Variants in SUGP1 observed in about 807,000 individuals in gnomAD.
The protein encoded by SUGP1 is SURP and G-patch domain-containing protein 1.
Under a neutral mutation model 76.5 loss-of-function variants are expected in SUGP1, and 34 were observed. The observed-to-expected ratio is 0.44, with a 90% CI of 0.34 to 0.59. SUGP1 has a LOEUF of 0.59. Among genes scored for constraint, SUGP1 ranks in the 20% least tolerant of loss-of-function variants. The probability of loss-of-function intolerance (pLI) is 0.01; values close to 1 mark genes in which losing one functional copy is unlikely to be tolerated. For missense variants in SUGP1, 752 were observed against 851.7 expected, an observed-to-expected ratio of 0.88 and a Z score of 1.46; for synonymous variants, 326 against 326.2, an observed-to-expected ratio of 1.00 and a Z score of 0.01.
chr19:19,313,231 T>C (rs1407934017), intron 2 of SUGP1, among the ~76,000 whole-genome samples: 1 of 150,620 alleles, frequency 6.6e-6, no homozygotes, highest in Non-Finnish European at 1.5e-5. Context: ...CCGTCTCTAC[T>C]AAAAATACAA....
At chr19:19,294,198 A>G (rs2061207297) in intron 8 of SUGP1, among the ~76,000 whole-genome samples, 1 of 151,296 alleles carries the variant, frequency 6.6e-6, no homozygotes, top group Admixed American at 6.6e-5. Flanking sequence ...AAAGAAAAAA[A>G]AAAAGAATAA....
intron 8 of SUGP1, among the ~76,000 whole-genome samples, chr19:19,294,649 A>G (rs2061211335): frequency 6.6e-6 from 1 of 152,212 alleles, no homozygotes; most frequent in Non-Finnish European, 1.5e-5. Flanking sequence ...CACCAAAAGC[A>G]TAAACCACAG....
At chr19:19,281,769 T>A (rs1479848888) in intron 8 of SUGP1, among the ~76,000 whole-genome samples, 1 of 152,146 alleles carries the variant, frequency 6.6e-6, no homozygotes, top group Non-Finnish European at 1.5e-5. Flanking sequence ...GGGCACCATA[T>A]GACATGAGAT....
At chr19:19,310,432 A>G (rs768940651) in intron 2 of SUGP1, among the ~76,000 whole-genome samples, 9 of 152,160 alleles carry the variant, frequency 5.9e-5, no homozygotes, top group Non-Finnish European at 1.3e-4. Flanking sequence ...GTTCTGATAA[A>G]AGCAATACTC....
chr19:19,291,944 G>T (rs906133858), intron 8 of SUGP1, among the ~76,000 whole-genome samples: 7 of 140,788 alleles, frequency 5.0e-5, no homozygotes, highest in African/African-American at 1.8e-4. Context: ...AAAGGGCCAA[G>T]AATTAGATAG....
rs895793109 is a variant in SUGP1 at position 19,309,785 on chromosome 19, G to A, written c.310+312C>T. On this transcript the variant is annotated intron_variant, in intron 3 of 13. Coordinates refer to ENST00000247001, the MANE Select transcript of SUGP1 (RefSeq NM_172231.4). ...AAATTAGCCGGGCGTGGTGGCGGGCGTCTGTAGTCCCAGGTACTCAGGAGG... is the reference window on the plus strand; with the variant it reads ...AAATTAGCCGGGCGTGGTGGCGGGCATCTGTAGTCCCAGGTACTCAGGAGG... 7.9e-5 allele frequency among the ~76,000 whole-genome samples: 12 copies of A among 152,244 alleles called. No homozygotes were observed. In the Middle Eastern group the frequency reaches 0.01, roughly 129 times the overall value.
chr19:19,302,174 C>G, intron 7 of SUGP1, 91 bp downstream of exon 7: 2 of 1,547,370 alleles, frequency 1.3e-6, no homozygotes, highest in South Asian at 1.2e-5. Flanking sequence ...GGGACCCCAG[C>G]AGGTGGCTGG....
At chr19:19,287,601 A>G (rs1308341021) in intron 8 of SUGP1, among the ~76,000 whole-genome samples, 7 of 152,140 alleles carry the variant, frequency 4.6e-5, no homozygotes, top group African/African-American at 7.2e-5. Flanking sequence ...GAGCTAACAG[A>G]TACCACACTG....
chr19:19,281,235 T>A (rs1029128465), intron 8 of SUGP1: 6 of 152,200 alleles, frequency 3.9e-5, no homozygotes, highest in Non-Finnish European at 8.8e-5. Flanking sequence ...CCTGAGGACA[T>A]GGATCAGTGG....
chr19:19,287,910 T>C (rs2061153503), intron 8 of SUGP1, among the ~76,000 whole-genome samples: 1 of 152,214 alleles, frequency 6.6e-6, no homozygotes, highest in African/African-American at 2.4e-5. Context: ...ACAGAGTGCC[T>C]GTCTCTCCTT....
At chr19:19,307,756 C>T (rs892452333) in intron 3 of SUGP1, among the ~76,000 whole-genome samples, 52 of 151,762 alleles carry the variant, frequency 3.4e-4, no homozygotes, top group African/African-American at 1.2e-3. Context: ...TGGTTGCCTC[C>T]CAGGTTCGTG....
intron 6 of SUGP1, among the ~76,000 whole-genome samples, chr19:19,302,624 G>A (rs964034220): frequency 6.6e-6 from 1 of 151,926 alleles, no homozygotes; most frequent in Non-Finnish European, 1.5e-5. Context: ...CCTGGGACAT[G>A]AGCCAGGACA....
At chr19:19,307,531 A>T (rs907738346) in intron 3 of SUGP1, among the ~76,000 whole-genome samples, 4 of 152,336 alleles carry the variant, frequency 2.6e-5, no homozygotes, top group African/African-American at 9.6e-5. Flanking sequence ...ATAAAGGGTC[A>T]AACATCTGAA....
At chr19:19,300,046 G>A (rs983705348) in intron 7 of SUGP1, among the ~76,000 whole-genome samples, 2 of 151,936 alleles carry the variant, frequency 1.3e-5, no homozygotes, top group African/African-American at 4.8e-5. Context: ...CCAAAGTGCT[G>A]GGATTACAGG....
chr19:19,285,855 G>A lies in SUGP1; in HGVS notation c.1244-5564C>T, dbSNP rs8112004. On this transcript the variant is annotated intron_variant, in intron 8 of 13. Transcript: ENST00000247001. ...ACTGGGATTACAGGCATGAGCTACC[G>A]TACCCGGCCAAGCACCAGAACTTAA... Among the ~76,000 whole-genome samples, 368 of 152,232 alleles carry A rather than the reference G, an allele frequency of 2.4e-3. 1 individual carries two copies. The highest frequency in any genetic ancestry group is 3.9e-3 in the Non-Finnish European group (264 of 68,004).
At chr19:19,316,679 G>C in intron 1 of SUGP1, 86 bp from the exon 2 acceptor site, 1 of 1,424,646 alleles carries the variant, frequency 7.0e-7, no homozygotes, top group South Asian at 1.3e-5. Flanking sequence ...AGCAACTGAT[G>C]TTCAGATTAA....
chr19:19,276,839 G>A (rs531370770), intron 13 of SUGP1, 108 bp downstream of exon 13: 20 of 1,555,962 alleles, frequency 1.3e-5, no homozygotes, highest in Middle Eastern at 1.9e-4. Flanking sequence ...TAGGGGGCTC[G>A]CTGGTGAGAC....
At chr19:19,307,112 T>C (rs963656738) in intron 3 of SUGP1, among the ~76,000 whole-genome samples, 4 of 152,016 alleles carry the variant, frequency 2.6e-5, no homozygotes, top group Non-Finnish European at 4.4e-5. Context: ...GGTGCAATCA[T>C]GGTTCACTGC....
intron 7 of SUGP1, among the ~76,000 whole-genome samples, chr19:19,301,195 A>C (rs1279190900): frequency 6.6e-6 from 1 of 152,100 alleles, no homozygotes; most frequent in African/African-American, 2.4e-5. Flanking sequence ...CTCCAGTCCC[A>C]GGCAGATCCA....
Sources: gnomAD v4.1 joint callset for allele counts (sites outside exome capture counted in the v4.1 genomes callset) on GRCh38, gnomAD v4.1.1 for gene constraint, MANE v1.5 for transcripts, NCBI Gene and HGNC (gene_info 2026-07-23, HGNC 2026-07-21) for gene names.